Variants in GRIK4 observed in about 807,000 individuals in gnomAD.
GRIK4 encodes the protein glutamate ionotropic receptor kainate type subunit 4.
A neutral mutation model predicts 104.9 loss-of-function variants in GRIK4; 40 were observed. The ratio of observed to expected loss-of-function variants is 0.38; its 90% CI spans 0.30 to 0.50. The LOEUF is 0.50. Ranked by LOEUF, GRIK4 falls within the 20% of genes least tolerant of loss-of-function variation. GRIK4 has a pLI of 0.93. For missense variants in GRIK4, 1,047 were observed against 1,308.1 expected, an observed-to-expected ratio of 0.80 and a Z score of 3.08; for synonymous variants, 485 against 524.9, an observed-to-expected ratio of 0.92 and a Z score of 1.04.
chr11:120,697,868 C>T (rs914062108), intron 3 of GRIK4, among the ~76,000 whole-genome samples: 3 of 152,280 alleles, frequency 2.0e-5, no homozygotes, highest in East Asian at 3.9e-4. Context: ...AGAGTGGCCT[C>T]GATGGAGGGT....
At chr11:120,619,246 G>A (rs1446005850) in intron 1 of GRIK4, among the ~76,000 whole-genome samples, 2 of 152,214 alleles carry the variant, frequency 1.3e-5, no homozygotes, top group Non-Finnish European at 1.5e-5. Flanking sequence ...TTGCATGGGA[G>A]CTATAGTCCC....
At chr11:120,542,863 G>A (rs1190623377) in intron 1 of GRIK4, among the ~76,000 whole-genome samples, 1 of 152,276 alleles carries the variant, frequency 6.6e-6, no homozygotes, top group Admixed American at 6.5e-5. Flanking sequence ...GCAAAGGACT[G>A]TAAAGAGGAA....
chr11:120,951,853 CT>C (rs1944009102), intron 14 of GRIK4, among the ~76,000 whole-genome samples: 1 of 152,190 alleles, frequency 6.6e-6, no homozygotes, highest in African/African-American at 2.4e-5. Flanking sequence ...GTGAAGTTAC[CT>C]AATTATTTAA....
intron 8 of GRIK4, among the ~76,000 whole-genome samples, chr11:120,861,322 G>A (rs1338487114): frequency 1.3e-5 from 2 of 151,896 alleles, no homozygotes; most frequent in Non-Finnish European, 2.9e-5. Context: ...TGGTCAGTCT[G>A]GTCTTGAACT....
At chr11:120,577,426 T>C (rs1423833787) in intron 1 of GRIK4, among the ~76,000 whole-genome samples, 1 of 151,794 alleles carries the variant, frequency 6.6e-6, no homozygotes, top group Non-Finnish European at 1.5e-5. Flanking sequence ...AGTTGCCCAA[T>C]AAAGGTGGAT....
In GRIK4 at chr11:120,819,395, T is replaced by C. The variant is rs1334088639; in HGVS notation, c.346-360T>C. Among the ~76,000 whole-genome samples the C allele has an allele frequency of 3.9e-5, 6 of 152,250 alleles. No homozygotes were observed. The highest frequency in any genetic ancestry group is 7.2e-5 in the African/African-American group (3 of 41,458). ...TACAAATAAAATATTCTAAGGATTATGCTTTCAAGAGCCAACTGTCTCTCT... is the reference window on the plus strand; with the variant it reads ...TACAAATAAAATATTCTAAGGATTACGCTTTCAAGAGCCAACTGTCTCTCT... On this transcript the variant is annotated intron_variant, in intron 5 of 20. Coordinates refer to ENST00000527524, the MANE Select transcript of GRIK4 (RefSeq NM_014619.5). This position sits in a 1 kb window ranked among gnomAD's most constrained non-coding sequence, Gnocchi z 4.3.
chr11:120,954,747 G>A (rs981268470), intron 15 of GRIK4, among the ~76,000 whole-genome samples: 1 of 150,968 alleles, frequency 6.6e-6, no homozygotes, highest in Non-Finnish European at 1.5e-5. Context: ...CAGAAAATGT[G>A]CTAAAGGGCT....
At chr11:120,554,390 G>A (rs374806397) in intron 1 of GRIK4, among the ~76,000 whole-genome samples, 6 of 152,130 alleles carry the variant, frequency 3.9e-5, no homozygotes, top group Non-Finnish European at 7.3e-5. Flanking sequence ...ATTGGATGAC[G>A]ATGTCTCCCA....
chr11:120,636,333 T>C (rs1949396272), intron 1 of GRIK4, among the ~76,000 whole-genome samples: 2 of 152,218 alleles, frequency 1.3e-5, no homozygotes, highest in African/African-American at 4.8e-5. Flanking sequence ...TACCCTCCCA[T>C]GGCACTCTGT....
At chr11:120,729,705 G>A (rs1951094931) in intron 3 of GRIK4, among the ~76,000 whole-genome samples, 1 of 152,120 alleles carries the variant, frequency 6.6e-6, no homozygotes, top group Non-Finnish European at 1.5e-5. Context: ...CTTCTATTCT[G>A]TGGGTTATCT....
chr11:120,660,038 A>G (rs538031642), intron 2 of GRIK4, among the ~76,000 whole-genome samples: 8 of 152,222 alleles, frequency 5.3e-5, no homozygotes, highest in Non-Finnish European at 8.8e-5. Context: ...GGCTGCGAGC[A>G]GATGAGGTTC....
chr11:120,862,476 G>C (rs1280046823), intron 9 of GRIK4, among the ~76,000 whole-genome samples: 2 of 152,180 alleles, frequency 1.3e-5, no homozygotes, highest in African/African-American at 2.4e-5. Context: ...TCATTTTTCA[G>C]ATAAGGAAAC....
At chr11:120,716,357 C>A (rs540020633) in intron 3 of GRIK4, among the ~76,000 whole-genome samples, 126 of 152,244 alleles carry the variant, frequency 8.3e-4, no homozygotes, top group African/African-American at 2.8e-3. Flanking sequence ...AATCCTCCCC[C>A]CTCAGCCTCC....
chr11:120,983,655 G>C (rs906703281), intron 20 of GRIK4, among the ~76,000 whole-genome samples: 15 of 152,078 alleles, frequency 9.9e-5, no homozygotes, highest in African/African-American at 3.4e-4. Context: ...ACCTAGTTCA[G>C]GTGTTCCCTT....
At chr11:120,621,861 G>A (rs1949193670) in intron 1 of GRIK4, among the ~76,000 whole-genome samples, 2 of 152,060 alleles carry the variant, frequency 1.3e-5, no homozygotes, top group Admixed American at 1.3e-4. Context: ...TATAGCTTGT[G>A]CTTGTCTTTA....
At chr11:120,731,837 G>A (rs543715738) in intron 3 of GRIK4, among the ~76,000 whole-genome samples, 1 of 152,056 alleles carries the variant, frequency 6.6e-6, no homozygotes, top group Admixed American at 6.5e-5. Context: ...CCAATTTATT[G>A]GTATATAGTT....
intron 1 of GRIK4, among the ~76,000 whole-genome samples, chr11:120,519,240 T>C (rs549530123): frequency 2.0e-5 from 3 of 152,360 alleles, no homozygotes; most frequent in Non-Finnish European, 4.4e-5. Flanking sequence ...CCATATATTA[T>C]CTTAATCTTC....
intron 1 of GRIK4, among the ~76,000 whole-genome samples, chr11:120,592,525 C>T (rs1412762225): frequency 2.0e-5 from 3 of 152,164 alleles, no homozygotes; most frequent in African/African-American, 7.2e-5. Flanking sequence ...AATCATAGTT[C>T]AATGCAGGGG....
rs1157335989 is a variant in GRIK4, at chr11:120,953,289, AG to A, written c.1700+329del. On this transcript the variant is annotated intron_variant, in intron 15 of 20. Coordinates refer to ENST00000527524, the MANE Select transcript of GRIK4 (RefSeq NM_014619.5). The surrounding 1 kb of genome is among the most constrained non-coding windows in gnomAD (Gnocchi z 4.9). ...TGTGTAGGAGCCCTGGGAAGAGAGG[AG>A]GGGTGGGGTTGGCAGGAAGATGACT... Among the ~76,000 whole-genome samples, 1 of 151,776 alleles carries A rather than the reference AG, an allele frequency of 6.6e-6. No homozygotes were observed. The highest frequency in any genetic ancestry group is 2.4e-5 in the African/African-American group (1 of 41,312).
Sources: gnomAD v4.1 joint callset for allele counts (sites outside exome capture counted in the v4.1 genomes callset) on GRCh38, gnomAD v4.1.1 for gene constraint, Gnocchi (gnomAD v3.1) non-coding constraint, MANE v1.5 for transcripts, NCBI Gene and HGNC (gene_info 2026-07-23, HGNC 2026-07-21) for gene names.